The following MGAT4C variants were observed in gnomAD, a reference collection of about 807,000 sequenced individuals.
The protein encoded by MGAT4C is MGAT4 family member C.
MGAT4C carries 19 observed loss-of-function variants against 40.1 expected under a neutral mutation model. That is an observed-to-expected ratio of 0.47 (90% CI 0.33 to 0.70). MGAT4C has a LOEUF of 0.70. Ranked by LOEUF, MGAT4C falls within the 30% of genes least tolerant of loss-of-function variation. The pLI is 0.02. For missense variants in MGAT4C, 491 were observed against 563.2 expected (o/e 0.87, Z 1.30); for synonymous variants, 181 against 187.1 (o/e 0.97, Z 0.27).
At chr12:86,248,208 T>TTCCA (rs1357276128) in intron 1 of MGAT4C, among the ~76,000 whole-genome samples, 3 of 135,840 alleles carry the variant, frequency 2.2e-5, no homozygotes, top group Non-Finnish European at 4.9e-5. Flanking sequence ...CCTTCCTTCC[T>TTCCA]TCCTTCCTTC....
chr12:86,630,274 C>A (rs941367494), intron 2 of MGAT4C, among the ~76,000 whole-genome samples: 1 of 151,812 alleles, frequency 6.6e-6, no homozygotes, highest in Non-Finnish European at 1.5e-5. Flanking sequence ...GCCTACCAAC[C>A]AAAAAAAGTC....
intron 1 of MGAT4C, among the ~76,000 whole-genome samples, chr12:86,129,974 T>C (rs1880935445): frequency 6.6e-6 from 1 of 152,166 alleles, no homozygotes; most frequent in South Asian, 2.1e-4. Flanking sequence ...ATTGGGATAC[T>C]TTTACTAAGA....
intron 4 of MGAT4C, among the ~76,000 whole-genome samples, chr12:86,331,348 C>T (rs775953182): frequency 5.3e-5 from 8 of 152,032 alleles, no homozygotes; most frequent in Admixed American, 2.0e-4. Flanking sequence ...TGAAGTTATA[C>T]GCATGTACAA....
At chr12:86,324,920 C>G (rs759884009) in intron 4 of MGAT4C, among the ~76,000 whole-genome samples, 6 of 151,928 alleles carry the variant, frequency 3.9e-5, no homozygotes, top group Admixed American at 1.3e-4. Context: ...TATTATTGAG[C>G]CTTGCAGTGT....
At chr12:86,521,715 T>C (rs1325319930) in intron 2 of MGAT4C, among the ~76,000 whole-genome samples, 4 of 152,088 alleles carry the variant, frequency 2.6e-5, no homozygotes, top group South Asian at 2.1e-4. Context: ...TTTAACAACA[T>C]TGATTCTTCC....
At chr12:86,781,124 C>T (rs1037537309) in intron 1 of MGAT4C, among the ~76,000 whole-genome samples, 1 of 150,028 alleles carries the variant, frequency 6.7e-6, no homozygotes, top group Non-Finnish European at 1.5e-5. Flanking sequence ...AACATACAAG[C>T]ACAAGATTTT....
chr12:86,270,870 ATAAC>A (rs963522332), intron 4 of MGAT4C, among the ~76,000 whole-genome samples: 6 of 152,318 alleles, frequency 3.9e-5, no homozygotes, highest in African/African-American at 7.2e-5. Context: ...TCATGTATTT[ATAAC>A]TAACTAATCT....
At chr12:86,395,997 G>A (rs1325912571) in intron 3 of MGAT4C, among the ~76,000 whole-genome samples, 2 of 151,928 alleles carry the variant, frequency 1.3e-5, no homozygotes, top group African/African-American at 2.4e-5. Flanking sequence ...TTATGTCCAC[G>A]ATTTAAATGT....
At chr12:86,163,589 T>C (rs1363435531) in intron 1 of MGAT4C, among the ~76,000 whole-genome samples, 1 of 152,180 alleles carries the variant, frequency 6.6e-6, no homozygotes, top group African/African-American at 2.4e-5. Context: ...AGATTTTTTT[T>C]TGTTGAAGTA....
At chr12:86,708,619 G>T (rs1324063303) in intron 2 of MGAT4C, among the ~76,000 whole-genome samples, 1 of 152,146 alleles carries the variant, frequency 6.6e-6, no homozygotes, top group Non-Finnish European at 1.5e-5. Flanking sequence ...CAGCCAGGAG[G>T]GAGGCTGCAC....
chr12:86,662,370 CTATT>C (rs1964000188), intron 2 of MGAT4C, among the ~76,000 whole-genome samples: 1 of 152,122 alleles, frequency 6.6e-6, no homozygotes, highest in African/African-American at 2.4e-5. Flanking sequence ...TGTTTATTAT[CTATT>C]TATCTCAGAA....
At chr12:86,694,870 G>A (rs1454594195) in intron 2 of MGAT4C, among the ~76,000 whole-genome samples, 2 of 152,094 alleles carry the variant, frequency 1.3e-5, no homozygotes, top group African/African-American at 2.4e-5. Context: ...AAAATTTCCC[G>A]AGTAATGCCT....
intron 1 of MGAT4C, among the ~76,000 whole-genome samples, chr12:86,801,811 A>T (rs369888491): frequency 0.096 from 14,510 of 151,730 alleles, 937 homozygotes; most frequent in Non-Finnish European, 0.14. Context: ...AGAAATGTCC[A>T]TCATACCTAA....
At chr12:86,156,848 A>T (rs762531861) in intron 1 of MGAT4C, among the ~76,000 whole-genome samples, 1 of 152,166 alleles carries the variant, frequency 6.6e-6, no homozygotes, top group Non-Finnish European at 1.5e-5. Flanking sequence ...AGTTTAACTC[A>T]AAAATTTATT....
intron 2 of MGAT4C, among the ~76,000 whole-genome samples, chr12:86,661,420 T>C (rs1450195865): frequency 1.3e-5 from 2 of 152,048 alleles, no homozygotes; most frequent in Non-Finnish European, 2.9e-5. Context: ...AAAAAAATCA[T>C]CTTAATGTCA....
intron 1 of MGAT4C, among the ~76,000 whole-genome samples, chr12:86,735,441 CAG>C (rs915076442): frequency 2.0e-5 from 3 of 151,802 alleles, no homozygotes; most frequent in Non-Finnish European, 4.4e-5. Context: ...GGAAGCCAGG[CAG>C]TTCAAATCTG....
intron 1 of MGAT4C, among the ~76,000 whole-genome samples, chr12:86,827,170 G>T (rs1294630071): frequency 6.6e-6 from 1 of 151,310 alleles, no homozygotes; most frequent in Admixed American, 6.6e-5. Flanking sequence ...CATTTTAATT[G>T]AACCAAGTAA....
intron 1 of MGAT4C, among the ~76,000 whole-genome samples, chr12:86,737,483 A>G (rs1168265796): frequency 6.6e-6 from 1 of 151,094 alleles, no homozygotes; most frequent in Non-Finnish European, 1.5e-5. Flanking sequence ...AGCTACCTCA[A>G]GATTCAATCT....
chr12:86,595,062 T>G (rs989694821), intron 2 of MGAT4C, among the ~76,000 whole-genome samples: 1 of 152,142 alleles, frequency 6.6e-6, no homozygotes, highest in African/African-American at 2.4e-5. Context: ...TTCTCAAAGA[T>G]TAGGTATGCA....
Sources: gnomAD v4.1 joint callset for allele counts (sites outside exome capture counted in the v4.1 genomes callset) on GRCh38, gnomAD v4.1.1 for gene constraint, MANE v1.5 for transcripts, NCBI Gene and HGNC (gene_info 2026-07-23, HGNC 2026-07-21) for gene names.